TK1: variants seen among roughly 807,000 people sequenced by gnomAD.
The protein encoded by TK1 is thymidine kinase 1, also known as thymidine kinase, cytosolic.
TK1 carries 13 observed loss-of-function variants against 22.4 expected under a neutral mutation model. The observed-to-expected ratio is 0.58, with a 90% CI of 0.38 to 0.92. The LOEUF is 0.92. TK1 is among the 40% of genes least tolerant of loss of function. The pLI, the probability that TK1 is intolerant of heterozygous loss-of-function variation, is 0.00. For synonymous variants in TK1, 134 were observed against 125.4 expected (o/e 1.07, Z -0.46); for missense variants, 251 against 315.7 (o/e 0.80, Z 1.55).
rs529428093 is a variant in TK1, at chr17:78,177,110, C to A, written c.304-1492G>T. Among the ~76,000 whole-genome samples the A allele has an allele frequency of 4.6e-5, 7 of 152,320 alleles. No homozygotes were observed. In the East Asian group the frequency reaches 1.4e-3, roughly 29 times the overall value. On this transcript the variant is annotated intron_variant, in intron 4 of 6. Transcript: ENST00000301634. ...TTGGTTCTTGCACCCGGCACTTCCC[C>A]ACCCGTCCAGCACTTCCAGTGATCT... is the stretch of plus-strand genomic sequence containing the variant.
At chr17:78,179,905 A>G (rs2075726905) in intron 4 of TK1, 2 of 241,376 alleles carry the variant, frequency 8.3e-6, no homozygotes, top group African/African-American at 4.7e-5. Flanking sequence ...CCCCGTCTCT[A>G]CTAAAAATAC....
At chr17:78,176,610 C>T (rs12452081) in intron 4 of TK1, among the ~76,000 whole-genome samples, 31,845 of 152,084 alleles carry the variant, frequency 0.21, 3,699 homozygotes, top group Non-Finnish European at 0.26. Flanking sequence ...GCCAGGGCCC[C>T]TCCCCACCAT....
intron 4 of TK1, among the ~76,000 whole-genome samples, chr17:78,176,744 G>A (rs549170088): frequency 8.5e-5 from 13 of 152,330 alleles, no homozygotes; most frequent in Admixed American, 8.5e-4. Context: ...GAGGGCTGAC[G>A]CTGCCATGGC....
chr17:78,174,373 G>A lies in TK1; in HGVS notation c.*386C>T. The A allele has an allele frequency of 4.7e-6, 1 of 210,948 alleles. No homozygotes were observed. Among genetic ancestry groups the A allele is most frequent in the South Asian group, 8.6e-5 (1 of 11,636 alleles). The allele number at this position is 210,948 out of a possible 1,614,324, so 13.1% of individuals were successfully genotyped here. On this transcript the variant is annotated 3_prime_UTR_variant, in exon 7 of 7. Coordinates refer to ENST00000301634, the MANE Select transcript of TK1 (RefSeq NM_003258.5). ...CCTCAGTGTGGGCCAAGGCTCAAAG[G>A]TGCTGGCACAGGCTTCCCAGGGAGA...
At chr17:78,178,857 C>A (rs1191284412) in intron 4 of TK1, among the ~76,000 whole-genome samples, 1 of 152,154 alleles carries the variant, frequency 6.6e-6, no homozygotes, top group Non-Finnish European at 1.5e-5. Context: ...GTTGGTCAGG[C>A]TGGTGACCCG....
chr17:78,178,804 C>T (rs2075719172), intron 4 of TK1, among the ~76,000 whole-genome samples: 1 of 152,098 alleles, frequency 6.6e-6, no homozygotes, highest in African/African-American at 2.4e-5. Context: ...GCCACCACGC[C>T]TGGCTAATTT....
chr17:78,179,596 A>C lies in TK1; in HGVS notation c.303+2993T>G. ...AATTTGCAGCTGTGACTCATACAGA[A>C]TGTTGGGCAAGAACAGAACCAGGAA... is the stretch of plus-strand genomic sequence containing the variant. On this transcript the variant is annotated intron_variant, in intron 4 of 6. Transcript: ENST00000301634. 3 of 985,444 alleles carry C rather than the reference A, an allele frequency of 3.0e-6. No individual in the cohort carries two copies. In the South Asian group the frequency reaches 1.4e-4, roughly 46 times the overall value. 61.0% of individuals were successfully genotyped at this position (985,444 alleles called of 1,614,324 possible). A position where few individuals can be genotyped will look rare whatever the true frequency, so the allele number is the denominator to read the frequency against.
chr17:78,177,510 A>G (rs1248705579), intron 4 of TK1, among the ~76,000 whole-genome samples: 1 of 152,220 alleles, frequency 6.6e-6, no homozygotes, highest in East Asian at 1.9e-4. Flanking sequence ...GGTCCCAGGC[A>G]TTTAGGTTAA....
At chr17:78,180,515 A>G (rs1026030424) in intron 4 of TK1, among the ~76,000 whole-genome samples, 2 of 152,248 alleles carry the variant, frequency 1.3e-5, no homozygotes, top group African/African-American at 4.8e-5. Flanking sequence ...AAAATAACCC[A>G]GAAACTCAAC....
chr17:78,176,139 G>A (rs1316248790), intron 4 of TK1, among the ~76,000 whole-genome samples: 2 of 152,164 alleles, frequency 1.3e-5, no homozygotes, highest in African/African-American at 4.8e-5. Flanking sequence ...AACGGGTAAT[G>A]TGCCTTGAGA....
Position 78,185,179 on chromosome 17 carries a change from G to A in TK1, c.99-14C>T. ...ATCAACTCTGTGCTGCAAGAGGAGA[G>A]AGGGTCAGGTGAGGTCCACGGCGGG... is the stretch of plus-strand genomic sequence containing the variant. On this transcript the variant is annotated splice_polypyrimidine_tract_variant and intron_variant, in intron 2 of 6. Coordinates refer to ENST00000301634, the MANE Select transcript of TK1 (RefSeq NM_003258.5). 1 of 1,611,064 alleles carries A rather than the reference G, an allele frequency of 6.2e-7. No individual in the cohort carries two copies. Among genetic ancestry groups the A allele is most frequent in the Non-Finnish European group, 8.5e-7 (1 of 1,177,866 alleles).
In TK1 at chr17:78,182,289, T is replaced by C. The variant is rs531620849; in HGVS notation, c.303+300A>G. On this transcript the variant is annotated intron_variant, in intron 4 of 6. Coordinates refer to ENST00000301634, the MANE Select transcript of TK1 (RefSeq NM_003258.5). ...CTCGGGAGGCTGAGACAGGAGAGAA[T>C]TGCTTGAACCCAGGAAGCAAAGTTT... 3.2e-3 allele frequency among the ~76,000 whole-genome samples: 482 copies of C among 151,336 alleles called. 4 individuals are homozygous for C. The highest frequency in any genetic ancestry group is 0.011 in the African/African-American group (449 of 41,220).
rs1205581218 is a variant in TK1, at chr17:78,186,686, AG to A, written c.98+100del. On this transcript the variant is annotated intron_variant, in intron 2 of 6. Coordinates refer to ENST00000301634, the MANE Select transcript of TK1 (RefSeq NM_003258.5). ...GGGGAAGGGAAGGGGAGGGAAGGGAAGGGGAGGGGAGGGGAGGGGAGGGAAG... is the reference window on the plus strand; with the variant it reads ...GGGGAAGGGAAGGGGAGGGAAGGGAAGGGAGGGGAGGGGAGGGGAGGGAAG... The A allele has an allele frequency of 1.8e-5, 7 of 382,638 alleles. 1 individual carries two copies. The highest frequency in any genetic ancestry group is 8.5e-5 in the South Asian group (3 of 35,120). The allele number at this position is 382,638 out of a possible 1,614,324, so 23.7% of individuals were successfully genotyped here.
chr17:78,174,605 G>T lies in TK1; in HGVS notation c.*154C>A. 1 of 810,824 alleles carries T rather than the reference G, an allele frequency of 1.2e-6. No homozygotes were observed. Among genetic ancestry groups the T allele is most frequent in the South Asian group, 1.8e-5 (1 of 54,500 alleles). The allele number at this position is 810,824 out of a possible 1,614,324, so 50.2% of individuals were successfully genotyped here. A position where few individuals can be genotyped will look rare whatever the true frequency, so the allele number is the denominator to read the frequency against. ...TAGGAGAGGAGGGAGCATGCGGCAG[G>T]TGGGGCAGCCACACAAAGGAGAGTT... On this transcript the variant is annotated 3_prime_UTR_variant, in exon 7 of 7. Coordinates refer to ENST00000301634, the MANE Select transcript of TK1 (RefSeq NM_003258.5).
rs7213946 is a variant in TK1 at position 78,179,730 on chromosome 17, G to A, written c.303+2859C>T. ...AGGCAGGGCGGGTAGAGACCTCGAA[G>A]CACTCACCAAACCAACTCATTTATT... On this transcript the variant is annotated intron_variant, in intron 4 of 6. Coordinates refer to ENST00000301634, the MANE Select transcript of TK1 (RefSeq NM_003258.5). 9.3e-4 allele frequency: 917 copies of A among 985,420 alleles called. 19 individuals are homozygous for A. In the South Asian group the frequency reaches 0.038, roughly 41 times the overall value. 61.0% of individuals were successfully genotyped at this position (985,420 alleles called of 1,614,324 possible).
At chr17:78,175,414 G>A (rs369879300) in intron 5 of TK1, 115 bp downstream of exon 5, 13 of 1,161,924 alleles carry the variant, frequency 1.1e-5, no homozygotes, top group East Asian at 4.9e-5. Context: ...TGAGCAGCTC[G>A]GCCGTAACCC....
intron 2 of TK1, 45 bp downstream of exon 2, chr17:78,186,742 C>T (rs767911487): frequency 2.6e-6 from 4 of 1,554,222 alleles, no homozygotes; most frequent in Middle Eastern, 1.7e-4. Flanking sequence ...AAGGGGTCCC[C>T]GGAGAAGAGG....
At chr17:78,186,876 G>A (rs1234635055) in intron 1 of TK1, 53 bp downstream of exon 1, 4 of 1,567,170 alleles carry the variant, frequency 2.6e-6, no homozygotes, top group Admixed American at 1.9e-5. Flanking sequence ...CTGGACACAG[G>A]CTATCACCAC....
At chr17:78,181,067 G>A (rs1470181942) in intron 4 of TK1, among the ~76,000 whole-genome samples, 1 of 152,092 alleles carries the variant, frequency 6.6e-6, no homozygotes, top group Non-Finnish European at 1.5e-5. Context: ...GGCCAACATG[G>A]TGAAACCCCA....
Sources: gnomAD v4.1 joint callset for allele counts (sites outside exome capture counted in the v4.1 genomes callset) on GRCh38, gnomAD v4.1.1 for gene constraint, MANE v1.5 for transcripts, NCBI Gene and HGNC (gene_info 2026-07-23, HGNC 2026-07-21) for gene names.